The following KATNAL2 variants were observed in gnomAD, a reference collection of about 807,000 sequenced individuals.
KATNAL2 encodes the protein katanin p60 ATPase-containing subunit A-like 2.
A neutral mutation model predicts 76.3 loss-of-function variants in KATNAL2; 52 were observed. That is an observed-to-expected ratio of 0.68 (90% confidence interval 0.55 to 0.86). The LOEUF (loss-of-function observed/expected upper bound fraction) is 0.86. Ranked by LOEUF, KATNAL2 falls within the 40% of genes least tolerant of loss-of-function variation. The pLI, the probability that KATNAL2 is intolerant of heterozygous loss-of-function variation, is 0.00. For synonymous variants in KATNAL2, 243 were observed against 244.2 expected, an observed-to-expected ratio of 1.00 and a Z score of 0.05; for missense variants, 660 against 668.9, an observed-to-expected ratio of 0.99 and a Z score of 0.15.
At chr18:47,091,988 T>C (rs1390052606) in intron 15 of KATNAL2, among the ~76,000 whole-genome samples, 1 of 152,166 alleles carries the variant, frequency 6.6e-6, no homozygotes, top group East Asian at 1.9e-4. Context: ...TTCAGTCTGA[T>C]ATCAGCTTAT....
chr18:47,031,530 A>G (rs1569043517), intron 3 of KATNAL2, among the ~76,000 whole-genome samples: 4 of 152,266 alleles, frequency 2.6e-5, no homozygotes, highest in East Asian at 1.9e-4. Flanking sequence ...GCCTTTTCTT[A>G]TAAGTACCCT....
At chr18:47,050,445 AT>A (rs1033827678) in intron 4 of KATNAL2, among the ~76,000 whole-genome samples, 1 of 152,226 alleles carries the variant, frequency 6.6e-6, no homozygotes, top group Non-Finnish European at 1.5e-5. Context: ...ATTACAATGT[AT>A]TTTTTGTTCC....
At chr18:47,083,154 C>T (rs964678380) in intron 15 of KATNAL2, among the ~76,000 whole-genome samples, 2 of 152,128 alleles carry the variant, frequency 1.3e-5, no homozygotes, top group East Asian at 1.9e-4. Context: ...GACAGATTTC[C>T]GGAAGTCAGT....
At chr18:47,069,644 AT>A in intron 13 of KATNAL2, 44 bp downstream of exon 13, 1 of 1,280,854 alleles carries the variant, frequency 7.8e-7, no homozygotes, top group Non-Finnish European at 1.1e-6. Flanking sequence ...TTCTAGTGTA[AT>A]ACAGTGGTAC....
intron 13 of KATNAL2, among the ~76,000 whole-genome samples, chr18:47,072,534 C>T (rs145569295): frequency 1.3e-5 from 2 of 152,326 alleles, no homozygotes; most frequent in African/African-American, 4.8e-5. Flanking sequence ...CAGCCTCGAC[C>T]TCCTGGGCTC....
chr18:47,088,153 C>T (rs560933696), intron 15 of KATNAL2, among the ~76,000 whole-genome samples: 2 of 152,268 alleles, frequency 1.3e-5, no homozygotes, highest in South Asian at 2.1e-4. Flanking sequence ...CTTTGGCTAG[C>T]GAGAGCAGGC....
chr18:46,944,697 T>C (rs558746927), intron 1 of KATNAL2, among the ~76,000 whole-genome samples: 5 of 152,328 alleles, frequency 3.3e-5, no homozygotes, highest in Admixed American at 2.0e-4. Context: ...ATCACGCCAC[T>C]GCACTCCAGG....
At chr18:47,034,848 T>C in intron 3 of KATNAL2, 3 of 1,612,130 alleles carry the variant, frequency 1.9e-6, no homozygotes, top group South Asian at 1.1e-5. Flanking sequence ...GAGGTCTCTG[T>C]TGCCCCGGAG....
chr18:47,055,927 G>A (rs903501158), intron 6 of KATNAL2, among the ~76,000 whole-genome samples: 1 of 152,166 alleles, frequency 6.6e-6, no homozygotes. Flanking sequence ...ATAGCAAATG[G>A]TTAGAATCAG....
At chr18:46,958,889 C>A (rs1472296402) in intron 3 of KATNAL2, among the ~76,000 whole-genome samples, 1 of 152,186 alleles carries the variant, frequency 6.6e-6, no homozygotes. Flanking sequence ...AAAACAAAGT[C>A]ATGTTTGTTT....
intron 15 of KATNAL2, among the ~76,000 whole-genome samples, chr18:47,086,691 C>G (rs750274079): frequency 5.3e-5 from 8 of 152,218 alleles, no homozygotes; most frequent in Non-Finnish European, 1.2e-4. Flanking sequence ...ACATACAACA[C>G]TTCACTATCC....
At chr18:47,068,818 A>G (rs1390768172) in intron 11 of KATNAL2, among the ~76,000 whole-genome samples, 3 of 152,186 alleles carry the variant, frequency 2.0e-5, no homozygotes, top group African/African-American at 7.2e-5. Flanking sequence ...ACCTTTACTA[A>G]TTGGTTCTAG....
chr18:47,022,626 G>GC, intron 3 of KATNAL2: 1 of 525,970 alleles, frequency 1.9e-6, no homozygotes, highest in Non-Finnish European at 2.7e-6. Context: ...GTGCGGATCG[G>GC]ATTTTCGTGG....
At chr18:47,097,950 G>T (rs1425991002) in intron 15 of KATNAL2, among the ~76,000 whole-genome samples, 2 of 152,118 alleles carry the variant, frequency 1.3e-5, no homozygotes, top group East Asian at 1.9e-4. Context: ...AATCAGTTTT[G>T]CCAGGTGTCA....
At chr18:46,930,850 C>T (rs2058887777) in intron 1 of KATNAL2, among the ~76,000 whole-genome samples, 2 of 151,408 alleles carry the variant, frequency 1.3e-5, no homozygotes, top group Non-Finnish European at 2.9e-5. Flanking sequence ...CACCTGTAAT[C>T]CCAGCACTTT....
At chr18:47,035,176 T>C in intron 3 of KATNAL2, 1 of 1,612,232 alleles carries the variant, frequency 6.2e-7, no homozygotes, top group Non-Finnish European at 8.5e-7. Context: ...TTTCTGCAAA[T>C]ATTTCTCTAG....
intron 3 of KATNAL2, chr18:47,032,836 G>T: frequency 7.4e-7 from 1 of 1,354,386 alleles, no homozygotes; most frequent in Non-Finnish European, 1.0e-6. Flanking sequence ...GCTGGGTGTG[G>T]GAGGCAAAAT....
In KATNAL2 at chr18:47,033,685, G is replaced by C. The variant is rs202004416; in HGVS notation, c.52-12772G>C. 2.5e-6 allele frequency: 4 copies of C among 1,614,180 alleles called. No homozygotes were observed. In the Admixed American group the frequency reaches 5.0e-5, roughly 20 times the overall value. On this transcript the variant is annotated intron_variant, in intron 3 of 17. Coordinates refer to ENST00000683218, the MANE Select transcript of KATNAL2 (RefSeq NM_001387690.1). ...CTGGGCACACTGCTGGCGCAGCGTCGGCACCTGGAGCTGGCAGGCAGGCCT... is the reference window on the plus strand; with the variant it reads ...CTGGGCACACTGCTGGCGCAGCGTCCGCACCTGGAGCTGGCAGGCAGGCCT...
chr18:47,069,161 G>GT, intron 11 of KATNAL2, 59 bp from the exon 12 acceptor site: 2 of 1,192,232 alleles, frequency 1.7e-6, no homozygotes, highest in Non-Finnish European at 2.5e-6. Flanking sequence ...TGTCTGTGCT[G>GT]AGAGTATGCA....
Sources: gnomAD v4.1 joint callset for allele counts (sites outside exome capture counted in the v4.1 genomes callset) on GRCh38, gnomAD v4.1.1 for gene constraint, MANE v1.5 for transcripts, NCBI Gene and HGNC (gene_info 2026-07-23, HGNC 2026-07-21) for gene names.